HOXA11: variants seen among roughly 807,000 people sequenced by gnomAD.
HOXA11 encodes the protein homeobox A11.
HOXA11 carries 8 observed loss-of-function variants against 22.5 expected under a neutral mutation model. That is an observed-to-expected ratio of 0.36 (90% confidence interval 0.21 to 0.64). The LOEUF (loss-of-function observed/expected upper bound fraction) is 0.64, where lower values mean the gene tolerates loss of function less well. Among genes scored for constraint, HOXA11 ranks in the 30% least tolerant of loss-of-function variants. HOXA11 has a pLI of 0.67. For synonymous variants in HOXA11, 211 were observed against 188.4 expected (o/e 1.12, Z -0.98); for missense variants, 388 against 429.0 (o/e 0.90, Z 0.84).
intron 1 of HOXA11, 132 bp from the exon 2 acceptor site, chr7:27,183,160 C>T (rs1783796746): frequency 3.1e-6 from 2 of 654,794 alleles, no homozygotes; most frequent in East Asian, 2.7e-5. Context: ...TCTGCCCAGG[C>T]CCCTGCCTTT....
rs1783843462 is a variant in HOXA11, at chr7:27,185,103, A to G, written c.42T>C (p.Tyr14=). Residue 14 remains tyrosine, a synonymous_variant, in exon 1 of 2, where the codon TAT becomes TAC. Transcript: ENST00000006015. The part of the protein sequence containing the change: ...DERGPCSSNM[Y]LPSCTYYVSG... The stretch of plus-strand genomic sequence containing the variant: ...AGACGTAGTAAGTACAACTTGGCAA[A>G]TACATGTTAGAGGAGCAGGGACCAC... 6.2e-7 allele frequency: 1 copy of G among 1,614,004 alleles called. No individual in the cohort carries two copies. The highest frequency in any genetic ancestry group is 1.7e-5 in the Admixed American group (1 of 60,004).
chr7:27,182,843 T>A lies in HOXA11; in HGVS notation c.895A>T (p.Ile299Phe). Reference protein sequence around the residue: ...FQNRRMKEKKINRDRLQYYSA... With the variant: ...FQNRRMKEKKFNRDRLQYYSA... ...TAGTACTGTAAACGGTCTCTGTTAA[T>A]TTTTTTTTCCTTCATTCTCCTGTTC... Residue 299 changes from isoleucine (I) to phenylalanine (F), a missense_variant, in exon 2 of 2, where the codon ATT (isoleucine) becomes TTT (phenylalanine). By Grantham distance (21) the Ile-to-Phe change is conservative (BLOSUM62 0). Around this residue, in one of 4 missense-constraint regions of HOXA11, gnomAD observed 55 missense variants for 90.8 expected, o/e 0.61. Transcript: ENST00000006015. 1 of 1,607,324 alleles carries A rather than the reference T, an allele frequency of 6.2e-7. No individual in the cohort carries two copies. The highest frequency in any genetic ancestry group is 8.5e-7 in the Non-Finnish European group (1 of 1,174,090).
rs1783826831 is a variant in HOXA11 at position 27,184,550 on chromosome 7, C to CGCA, written c.594_595insTGC (p.Gly198_Gly199insCys). On this transcript the variant is annotated inframe_insertion, in exon 1 of 2. Transcript: ENST00000006015. ...GCTGCCGCCGCCGTCTCCCGGCAGC[C>CGCA]GCCGCCGCCGCCGCTGTCCGAACTT... 7.2e-7 allele frequency: 1 copy of CGCA among 1,381,602 alleles called. No individual in the cohort carries two copies. The highest frequency in any genetic ancestry group is 1.5e-5 in the African/African-American group (1 of 66,496). The allele number at this position is 1,381,602 out of a possible 1,614,324, so 85.6% of individuals were successfully genotyped here.
At position 27,183,116 on chromosome 7, in the gene HOXA11, G is replaced by A; in HGVS notation, c.710-88C>T. The A allele has an allele frequency of 5.8e-6, 5 of 858,060 alleles. No homozygotes were observed. In the Admixed American group the frequency reaches 8.3e-5, roughly 14 times the overall value. The allele number at this position is 858,060 out of a possible 1,614,324, so 53.2% of individuals were successfully genotyped here. On this transcript the variant is annotated intron_variant, in intron 1 of 1. Coordinates refer to ENST00000006015, the MANE Select transcript of HOXA11 (RefSeq NM_005523.6). ...CATAGCTGAGGAGAAGGGCTGCCAT[G>A]GGGACTGGTGGTCCAGCCCAAGCCC...
In HOXA11 at chr7:27,182,516, C is replaced by A; in HGVS notation, c.*280G>T. ...AATCCCCAGTGGAGACCACACCCAG[C>A]CCGCAGCTCTGCAGGCTCCAAGAGT... On this transcript the variant is annotated 3_prime_UTR_variant, in exon 2 of 2. Coordinates refer to ENST00000006015, the MANE Select transcript of HOXA11 (RefSeq NM_005523.6). 1 of 501,984 alleles carries A rather than the reference C, an allele frequency of 2.0e-6. No individual in the cohort carries two copies. The highest frequency in any genetic ancestry group is 3.2e-5 in the Admixed American group (1 of 31,094). The allele number at this position is 501,984 out of a possible 1,614,324, so 31.1% of individuals were successfully genotyped here. A position where few individuals can be genotyped will look rare whatever the true frequency, so the allele number is the denominator to read the frequency against.
Position 27,184,925 on chromosome 7 carries a change from G to A in HOXA11, c.220C>T (p.His74Tyr), listed in dbSNP as rs2115463099. ...EYAIEPATKW[H>Y]PRGNLAHCYS... ...CAGTGGGCCAGATTGCCGCGGGGGT[G>A]CCATTTAGTGGCGGGCTCAATGGCG... is the stretch of plus-strand genomic sequence containing the variant. The change falls in exon 1 of 2, where the codon CAC becomes TAC. Residue 74 changes from histidine (H) to tyrosine (Y), a missense_variant. Physicochemically the swap from His to Tyr is moderately conservative, Grantham distance 83 (BLOSUM62 2). Coordinates refer to ENST00000006015, the MANE Select transcript of HOXA11 (RefSeq NM_005523.6). 1.2e-6 allele frequency: 2 copies of A among 1,614,040 alleles called. No individual in the cohort carries two copies. Among genetic ancestry groups the A allele is most frequent in the South Asian group, 1.1e-5 (1 of 91,084 alleles).
rs1325727195 is a variant in HOXA11 at position 27,181,490 on chromosome 7, A to T, written c.*1306T>A. ...ATCAACTAATGGCAAAAGAAAAAAG[A>T]AAAAGAGAAAGAAAGAAAAGAAAAT... On this transcript the variant is annotated 3_prime_UTR_variant, in exon 2 of 2. Coordinates refer to ENST00000006015, the MANE Select transcript of HOXA11 (RefSeq NM_005523.6). The T allele has an allele frequency of 5.1e-6, 1 of 196,202 alleles. No homozygotes were observed. The highest frequency in any genetic ancestry group is 1.1e-5 in the Non-Finnish European group (1 of 94,180). 12.2% of individuals were successfully genotyped at this position (196,202 alleles called of 1,614,324 possible). A position where few individuals can be genotyped will look rare whatever the true frequency, so the allele number is the denominator to read the frequency against.
chr7:27,182,647 A>T lies in HOXA11; in HGVS notation c.*149T>A. 2 of 710,886 alleles carry T rather than the reference A, an allele frequency of 2.8e-6. No individual in the cohort carries two copies. The highest frequency in any genetic ancestry group is 5.2e-6 in the Non-Finnish European group (2 of 385,718). The allele number at this position is 710,886 out of a possible 1,614,324, so 44.0% of individuals were successfully genotyped here. A position where few individuals can be genotyped will look rare whatever the true frequency, so the allele number is the denominator to read the frequency against. On this transcript the variant is annotated 3_prime_UTR_variant, in exon 2 of 2. Coordinates refer to ENST00000006015, the MANE Select transcript of HOXA11 (RefSeq NM_005523.6). ...CTGAGATCTTAATCAAGAGAGTCCC[A>T]GACCACCTCCTGTGGGGCTATCTCC...
rs1783844402 is a variant in HOXA11 at position 27,185,151 on chromosome 7, G to A, written c.-7C>T. Reference sequence around the variant, plus strand: ...CACGCTCATCAAAATCCATTATTGGGCTACCTTGGGCTCTCCGCAGTAGCC... The same window carrying A: ...CACGCTCATCAAAATCCATTATTGGACTACCTTGGGCTCTCCGCAGTAGCC... On this transcript the variant is annotated 5_prime_UTR_variant, in exon 1 of 2. Transcript: ENST00000006015. 2 of 1,613,580 alleles carry A rather than the reference G, an allele frequency of 1.2e-6. No individual in the cohort carries two copies. Among genetic ancestry groups the A allele is most frequent in the East Asian group, 2.2e-5 (1 of 44,880 alleles).
rs762951157 is a variant in HOXA11 at position 27,184,829 on chromosome 7, C to A, written c.316G>T (p.Val106Leu). The A allele has an allele frequency of 1.2e-6, 2 of 1,613,428 alleles. No individual in the cohort carries two copies. The highest frequency in any genetic ancestry group is 1.7e-6 in the Non-Finnish European group (2 of 1,179,630). ...APSAAGVPGD[V>L]LAKSSANVYH... is the part of the protein sequence containing the mutation. ...ACGTTGGCCGAGCTCTTGGCCAGCA[C>A]GTCGCCAGGCACGCCGGCCGCGCTG... Residue 106 changes from valine (V) to leucine (L), a missense_variant, in exon 1 of 2, where the codon GTG (valine) becomes TTG (leucine). Around this residue, in one of 4 missense-constraint regions of HOXA11, gnomAD observed 295 missense variants for 281.1 expected, o/e 1.05. Transcript: ENST00000006015.
At chr7:27,183,178 C>T (rs1375092006) in intron 1 of HOXA11, 150 bp from the exon 2 acceptor site, 3 of 621,490 alleles carry the variant, frequency 4.8e-6, no homozygotes, top group Non-Finnish European at 8.5e-6. Flanking sequence ...TTTAACGCTC[C>T]GACTGCATGC....
At position 27,184,885 on chromosome 7, in the gene HOXA11, T is replaced by C. The variant is rs1260393318; in HGVS notation, c.260A>G (p.Glu87Gly). The change falls in exon 1 of 2, where the codon GAG (glutamate) becomes GGG (glycine). Residue 87 changes from glutamate (E) to glycine (G), a missense_variant. Around this residue, in one of 4 missense-constraint regions of HOXA11, gnomAD observed 295 missense variants for 281.1 expected, o/e 1.05. Coordinates refer to ENST00000006015, the MANE Select transcript of HOXA11 (RefSeq NM_005523.6). Reference sequence around the variant, plus strand: ...CTGCAGGCAGTCTCTGTGCACGAGCTCCTCCGCGGAGTAGCAGTGGGCCAG... The same window carrying C: ...CTGCAGGCAGTCTCTGTGCACGAGCCCCTCCGCGGAGTAGCAGTGGGCCAG... ...GNLAHCYSAEELVHRDCLQAP... is the reference protein window; with the variant it reads ...GNLAHCYSAEGLVHRDCLQAP... 1 of 1,613,944 alleles carries C rather than the reference T, an allele frequency of 6.2e-7. No individual in the cohort carries two copies. The highest frequency in any genetic ancestry group is 1.1e-5 in the South Asian group (1 of 91,066).
rs201081293 is a variant in HOXA11 at position 27,182,787 on chromosome 7, G to T, written c.*9C>A. The T allele has an allele frequency of 2.6e-6, 4 of 1,540,562 alleles. No homozygotes were observed. The highest frequency in any genetic ancestry group is 4.5e-5 in the East Asian group (2 of 44,522). On this transcript the variant is annotated 3_prime_UTR_variant, in exon 2 of 2. Transcript: ENST00000006015. ...TGAAGCCCCCCACCCAATTCCAGCCGCTGGAGTCTTAGAGGAGTGGATTTG... is the reference window on the plus strand; with the variant it reads ...TGAAGCCCCCCACCCAATTCCAGCCTCTGGAGTCTTAGAGGAGTGGATTTG...
In HOXA11 at chr7:27,182,864, T is replaced by G. The variant is rs1277190558; in HGVS notation, c.874A>C (p.Arg292=). The G allele has an allele frequency of 1.9e-6, 3 of 1,614,162 alleles. No individual in the cohort carries two copies. Among genetic ancestry groups the G allele is most frequent in the South Asian group, 2.2e-5 (2 of 91,082 alleles). ...DRQVKIWFQN[R]RMKEKKINRD... ...TTAATTTTTTTTTCCTTCATTCTCCTGTTCTGAAACCAGATTTTGACTTGA... is the reference window on the plus strand; with the variant it reads ...TTAATTTTTTTTTCCTTCATTCTCCGGTTCTGAAACCAGATTTTGACTTGA... Residue 292 remains arginine, a synonymous_variant, in exon 2 of 2, where the codon AGG becomes CGG. Transcript: ENST00000006015.
rs1783782736 is a variant in HOXA11 at position 27,182,266 on chromosome 7, C to T, written c.*530G>A. On this transcript the variant is annotated 3_prime_UTR_variant, in exon 2 of 2. Transcript: ENST00000006015. ...CCCACAAGGATTTGCAGCCCTCTTC[C>T]ACCTCAAAGCTACCTCCAAGTCCAG... 7.8e-6 allele frequency: 2 copies of T among 256,266 alleles called. No individual in the cohort carries two copies. The highest frequency in any genetic ancestry group is 1.2e-4 in the South Asian group (1 of 8,438). The allele number at this position is 256,266 out of a possible 1,614,324, so 15.9% of individuals were successfully genotyped here.
Position 27,184,593 on chromosome 7 carries a change from C to A in HOXA11, c.552G>T (p.Thr184=). ...CCGAACTTGAAGTTGCCGGCGCGCCCGTTGCAGCCGCCGCCGCCGCCGCGG... is the reference window on the plus strand; with the variant it reads ...CCGAACTTGAAGTTGCCGGCGCGCCAGTTGCAGCCGCCGCCGCCGCCGCGG... ...ATSAAAAAAA[T]GAPATSSSDS... The change falls in exon 1 of 2, where the codon ACG becomes ACT. Residue 184 remains threonine (T), a synonymous_variant. Coordinates refer to ENST00000006015, the MANE Select transcript of HOXA11 (RefSeq NM_005523.6). 1 of 1,497,682 alleles carries A rather than the reference C, an allele frequency of 6.7e-7. No homozygotes were observed. Among genetic ancestry groups the A allele is most frequent in the Non-Finnish European group, 8.9e-7 (1 of 1,123,406 alleles). The allele number at this position is 1,497,682 out of a possible 1,614,324, so 92.8% of individuals were successfully genotyped here.
Position 27,184,844 on chromosome 7 carries a change from C to T in HOXA11, c.301G>A (p.Gly101Ser), listed in dbSNP as rs778600905. The T allele has an allele frequency of 1.3e-5, 21 of 1,613,264 alleles. No homozygotes were observed. The Admixed American group carries it at 3.5e-4, about 27-fold the overall frequency. Residue 101 changes from glycine (G) to serine (S), a missense_variant, in exon 1 of 2, where the codon GGC becomes AGC. Gly to Ser is a moderately conservative substitution (Grantham distance 56). Coordinates refer to ENST00000006015, the MANE Select transcript of HOXA11 (RefSeq NM_005523.6). ...TTGGCCAGCACGTCGCCAGGCACGC[C>T]GGCCGCGCTGGGCGCCTGCAGGCAG... Reference protein sequence around the residue: ...RDCLQAPSAAGVPGDVLAKSS... With the variant: ...RDCLQAPSAASVPGDVLAKSS...
chr7:27,184,831 TCGCCAGGCA>T lies in HOXA11; in HGVS notation c.305_313del (p.Val102_Gly104del). The T allele has an allele frequency of 6.2e-7, 1 of 1,613,432 alleles. No homozygotes were observed. Among genetic ancestry groups the T allele is most frequent in the Non-Finnish European group, 8.5e-7 (1 of 1,179,562 alleles). On this transcript the variant is annotated inframe_deletion, in exon 1 of 2. Coordinates refer to ENST00000006015, the MANE Select transcript of HOXA11 (RefSeq NM_005523.6). ...GTTGGCCGAGCTCTTGGCCAGCACGTCGCCAGGCACGCCGGCCGCGCTGGGCGCCTGCAG... is the reference window on the plus strand; with the variant it reads ...GTTGGCCGAGCTCTTGGCCAGCACGTCGCCGGCCGCGCTGGGCGCCTGCAG...
rs372569072 is a variant in HOXA11 at position 27,183,785 on chromosome 7, CA to C, written c.709+650del. On this transcript the variant is annotated intron_variant, in intron 1 of 1. Coordinates refer to ENST00000006015, the MANE Select transcript of HOXA11 (RefSeq NM_005523.6). The stretch of plus-strand genomic sequence containing the variant: ...AAAAAAAAAAAAAAGACCCACAAGA[CA>C]AAAAAAAAATCGCTTTTGACAGATT... 1.1e-3 allele frequency among the ~76,000 whole-genome samples: 103 copies of C among 94,376 alleles called. 1 individual carries two copies. The highest frequency in any genetic ancestry group is 2.6e-3 in the East Asian group (10 of 3,862). The allele number at this position is 94,376 out of a possible 152,430, so 61.9% of individuals were successfully genotyped here.
Sources: gnomAD v4.1 joint callset for allele counts (sites outside exome capture counted in the v4.1 genomes callset) on GRCh38, gnomAD v4.1.1 for gene constraint, gnomAD v4.1.1 regional missense constraint, MANE v1.5 for transcripts, NCBI Gene and HGNC (gene_info 2026-07-23, HGNC 2026-07-21) for gene names.